BEAN1: variants seen among roughly 807,000 people sequenced by gnomAD.
The protein encoded by BEAN1 is protein BEAN1.
BEAN1 carries 17 observed loss-of-function variants against 17.7 expected under a neutral mutation model. The ratio of observed to expected loss-of-function variants is 0.96; its 90% CI spans 0.66 to 1.44. BEAN1 has a LOEUF of 1.44. Among genes scored for constraint, BEAN1 ranks in the 40% most tolerant of loss-of-function variants. BEAN1 has a pLI of 0.00. For missense variants in BEAN1, 359 were observed against 374.1 expected, an observed-to-expected ratio of 0.96 and a Z score of 0.33; for synonymous variants, 142 against 151.8, an observed-to-expected ratio of 0.94 and a Z score of 0.47.
chr16:66,459,171 G>A (rs1031139034), intron 2 of BEAN1, among the ~76,000 whole-genome samples: 1 of 152,120 alleles, frequency 6.6e-6, no homozygotes, highest in East Asian at 1.9e-4. Flanking sequence ...AAGCTCATGG[G>A]GACCCTTGCA....
chr16:66,462,492 G>A (rs1017895025), intron 2 of BEAN1, among the ~76,000 whole-genome samples: 21 of 152,288 alleles, frequency 1.4e-4, no homozygotes, highest in Non-Finnish European at 1.3e-4. Flanking sequence ...GGGCGCTGCA[G>A]ATTCATGCAA....
In BEAN1 at chr16:66,481,093, A is replaced by C. The variant is rs575264337; in HGVS notation, c.*168A>C. The C allele has an allele frequency of 2.0e-4, 112 of 570,812 alleles. No individual in the cohort carries two copies. The highest frequency in any genetic ancestry group is 1.7e-3 in the African/African-American group (88 of 53,130). The allele number at this position is 570,812 out of a possible 1,614,324, so 35.4% of individuals were successfully genotyped here. On this transcript the variant is annotated 3_prime_UTR_variant, in exon 5 of 5. Transcript: ENST00000536005. This position sits in a 1 kb window ranked among gnomAD's most constrained non-coding sequence, Gnocchi z 4.1. Reference sequence around the variant, plus strand: ...ACACTGACATACCCCATGTACACACACAGATCTAGACGTGCTCCACATATG... The same window carrying C: ...ACACTGACATACCCCATGTACACACCCAGATCTAGACGTGCTCCACATATG...
At chr16:66,493,563 G>C (rs1451569737), downstream of BEAN1, 3 of 574,932 alleles carry the variant, frequency 5.2e-6, no homozygotes, top group Non-Finnish European at 9.2e-6. Flanking sequence ...AGCCTGAAGG[G>C]AAACCAACTC....
downstream of BEAN1, chr16:66,483,571 T>C (rs1475039247): frequency 6.6e-6 from 1 of 152,378 alleles, no homozygotes. Flanking sequence ...CACAACACCA[T>C]GGCTTGGGCT....
intron 4 of BEAN1, among the ~76,000 whole-genome samples, chr16:66,490,401 A>AC (rs1964151009): frequency 9.7e-6 from 1 of 103,558 alleles, no homozygotes; most frequent in Non-Finnish European, 1.8e-5. Context: ...TGTTTCAATA[A>AC]AATAAAATAA....
At chr16:66,464,927 T>C (rs947363880) in intron 2 of BEAN1, among the ~76,000 whole-genome samples, 1 of 152,208 alleles carries the variant, frequency 6.6e-6, no homozygotes, top group East Asian at 1.9e-4. Context: ...GAATCTCCGA[T>C]ATAATGTTGA....
downstream of BEAN1, chr16:66,484,762 C>T (rs1013585076): frequency 9.3e-6 from 4 of 427,892 alleles, no homozygotes; most frequent in Non-Finnish European, 1.9e-5. The surrounding 1 kb of genome is among the most constrained non-coding windows in gnomAD (Gnocchi z 4.2). Context: ...CGCAGTCCCA[C>T]TGGTGACTCT....
intron 2 of BEAN1, among the ~76,000 whole-genome samples, chr16:66,439,696 A>C (rs1464269333): frequency 1.3e-5 from 2 of 152,158 alleles, no homozygotes; most frequent in African/African-American, 4.8e-5. Flanking sequence ...AATACCTAGC[A>C]TGCAGTAGGC....
intron 1 of BEAN1, among the ~76,000 whole-genome samples, chr16:66,429,749 T>G (rs1567478032): frequency 1.3e-5 from 2 of 152,236 alleles, no homozygotes; most frequent in African/African-American, 4.8e-5. Context: ...CACGTCGCTG[T>G]GTCTTCCAAA....
chr16:66,473,382 C>T lies in BEAN1; in HGVS notation c.289+3517C>T, dbSNP rs151278382. On this transcript the variant is annotated intron_variant, in intron 3 of 4. Coordinates refer to ENST00000536005, the MANE Select transcript of BEAN1 (RefSeq NM_001178020.3). This position sits in a 1 kb window ranked among gnomAD's most constrained non-coding sequence, Gnocchi z 4.5. ...CCTGCCCCACTTCTGCACTCGGCTA[C>T]AGCTTTGACACCTCCTGGGGCCTCG... Among the ~76,000 whole-genome samples the T allele has an allele frequency of 3.9e-4, 60 of 152,326 alleles. No individual in the cohort carries two copies. The East Asian group carries it at 0.011, about 28-fold the overall frequency.
At position 66,434,186 on chromosome 16, in the gene BEAN1, T is replaced by A. The variant is rs554926756; in HGVS notation, c.-82-3409T>A. ...GGGGAAGAGGTGACCACGCTTGGCC[T>A]AGCAGCTGGGGTGGGCCTGCCCCCG... On this transcript the variant is annotated intron_variant, in intron 1 of 4. Coordinates refer to ENST00000536005, the MANE Select transcript of BEAN1 (RefSeq NM_001178020.3). This position sits in a 1 kb window ranked among gnomAD's most constrained non-coding sequence, Gnocchi z 4.3. 6.4e-4 allele frequency among the ~76,000 whole-genome samples: 97 copies of A among 152,248 alleles called. No homozygotes were observed. The highest frequency in any genetic ancestry group is 2.2e-3 in the African/African-American group (90 of 41,548).
intron 1 of BEAN1, among the ~76,000 whole-genome samples, chr16:66,430,737 C>T (rs1208026770): frequency 2.0e-5 from 3 of 152,214 alleles, no homozygotes; most frequent in Non-Finnish European, 4.4e-5. Flanking sequence ...TTACCTCCAA[C>T]ATCTATATAT....
intron 2 of BEAN1, among the ~76,000 whole-genome samples, chr16:66,444,192 G>C (rs1215089618): frequency 6.6e-6 from 1 of 152,176 alleles, no homozygotes; most frequent in East Asian, 1.9e-4. Context: ...CTCTTCCCCT[G>C]TGTCCACCAT....
chr16:66,441,819 G>A (rs1283381892), intron 2 of BEAN1, among the ~76,000 whole-genome samples: 3 of 152,160 alleles, frequency 2.0e-5, no homozygotes, highest in African/African-American at 7.2e-5. Flanking sequence ...AGCCCCTCAG[G>A]AGTCCAGCAG....
chr16:66,439,093 G>A (rs1472349801), intron 2 of BEAN1, among the ~76,000 whole-genome samples: 1 of 152,190 alleles, frequency 6.6e-6, no homozygotes, highest in Non-Finnish European at 1.5e-5. Flanking sequence ...AGCTGCAGTG[G>A]GAGGTAGGGG....
chr16:66,488,041 T>G (rs557286734), intron 4 of BEAN1, among the ~76,000 whole-genome samples: 22 of 151,628 alleles, frequency 1.5e-4, no homozygotes, highest in Non-Finnish European at 2.8e-4. Context: ...AGGGAAGGGG[T>G]GATTTTAGGC....
chr16:66,493,300 G>C (rs1311494332), exon 5 of BEAN1: 3 of 701,330 alleles, frequency 4.3e-6, no homozygotes, highest in East Asian at 2.7e-5. Flanking sequence ...GGGGACCACA[G>C]CAAGGTCCCT....
At chr16:66,491,978 A>ATAAACAAC (rs552981929) in intron 4 of BEAN1, among the ~76,000 whole-genome samples, 24 of 152,276 alleles carry the variant, frequency 1.6e-4, no homozygotes, top group African/African-American at 5.8e-4. Flanking sequence ...GGTGCTCATA[A>ATAAACAAC]TAAACAACGG....
At chr16:66,437,883 C>T (rs993975407) in intron 2 of BEAN1, 182 bp downstream of exon 2, 5 of 783,666 alleles carry the variant, frequency 6.4e-6, no homozygotes, top group South Asian at 4.5e-5. Flanking sequence ...CTGCAAGATG[C>T]TCCCTGAGAA....
Sources: gnomAD v4.1 joint callset for allele counts (sites outside exome capture counted in the v4.1 genomes callset) on GRCh38, gnomAD v4.1.1 for gene constraint, Gnocchi (gnomAD v3.1) non-coding constraint, MANE v1.5 for transcripts, NCBI Gene and HGNC (gene_info 2026-07-23, HGNC 2026-07-21) for gene names.